The following TMTC1 variants were observed in gnomAD, a reference collection of about 807,000 sequenced individuals.
TMTC1 encodes protein O-mannosyl-transferase TMTC1.
TMTC1 carries 73 observed loss-of-function variants against 104.8 expected under a neutral mutation model. The observed-to-expected ratio is 0.70, with a 90% CI of 0.58 to 0.85. The LOEUF is 0.85. Among genes scored for constraint, TMTC1 ranks in the 40% least tolerant of loss-of-function variants. The probability of loss-of-function intolerance (pLI) is 0.00; values close to 1 mark genes in which losing one functional copy is unlikely to be tolerated. For missense variants in TMTC1, 1,035 were observed against 1,096.1 expected, an observed-to-expected ratio of 0.94 and a Z score of 0.79; for synonymous variants, 434 against 428.7, an observed-to-expected ratio of 1.01 and a Z score of -0.15.
intron 7 of TMTC1, 84 bp from the exon 8 acceptor site, chr12:29,583,658 C>A: frequency 7.8e-7 from 1 of 1,280,752 alleles, no homozygotes; most frequent in Non-Finnish European, 1.1e-6. Flanking sequence ...AACTAACTTT[C>A]AAATGAAGCT....
chr12:29,713,270 C>A (rs1050313269), intron 5 of TMTC1, among the ~76,000 whole-genome samples: 1 of 147,114 alleles, frequency 6.8e-6, no homozygotes, highest in Non-Finnish European at 1.5e-5. Flanking sequence ...TAAGCCAGTT[C>A]CTTAAAATAA....
At position 29,550,933 on chromosome 12, in the gene TMTC1, C is replaced by CAAAAAAAAA. The variant is rs200605964; in HGVS notation, c.1676+5915_1676+5923dup. Among the ~76,000 whole-genome samples the CAAAAAAAAA allele has an allele frequency of 3.5e-4, 38 of 108,316 alleles. 3 individuals are homozygous for CAAAAAAAAA. Among genetic ancestry groups the CAAAAAAAAA allele is most frequent in the African/African-American group, 1.2e-3 (30 of 25,284 alleles). The allele number at this position is 108,316 out of a possible 152,430, so 71.1% of individuals were successfully genotyped here. On this transcript the variant is annotated intron_variant, in intron 10 of 17. Transcript: ENST00000539277. ...TGGGGGAGAGAGTGGGACTCCATCTCAAAAAAAAAAAAAAAAAAAAAAAAA... is the reference window on the plus strand; with the variant it reads ...TGGGGGAGAGAGTGGGACTCCATCTCAAAAAAAAAAAAAAAAAAAAAAAAAAAAAAAAAA...
chr12:29,724,801 G>A (rs931824243), intron 5 of TMTC1, among the ~76,000 whole-genome samples: 2 of 152,048 alleles, frequency 1.3e-5, no homozygotes, highest in East Asian at 1.9e-4. Flanking sequence ...GAATGGGTTG[G>A]CAGAAGGACA....
At chr12:29,551,945 T>C (rs961226240) in intron 10 of TMTC1, among the ~76,000 whole-genome samples, 1 of 152,184 alleles carries the variant, frequency 6.6e-6, no homozygotes, top group African/African-American at 2.4e-5. Flanking sequence ...TCCAGTGAAA[T>C]GGTCATAAAA....
chr12:29,567,890 C>T (rs74969507), intron 9 of TMTC1, among the ~76,000 whole-genome samples: 2,643 of 152,248 alleles, frequency 0.017, 63 homozygotes, highest in East Asian at 0.055. Flanking sequence ...ATAAAGTAGT[C>T]TTACTGATAT....
At chr12:29,643,835 A>ATATTTATATATTTATATC (rs1939090837) in intron 5 of TMTC1, among the ~76,000 whole-genome samples, 1 of 79,120 alleles carries the variant, frequency 1.3e-5, no homozygotes, top group Non-Finnish European at 2.2e-5. Flanking sequence ...ATATTTATAT[A>ATATTTATATATTTATATC]TATTTATATA....
chr12:29,757,743 G>A (rs1943248336), intron 3 of TMTC1, among the ~76,000 whole-genome samples: 1 of 152,124 alleles, frequency 6.6e-6, no homozygotes, highest in Non-Finnish European at 1.5e-5. Flanking sequence ...CACATGGCTG[G>A]GGAGGCCTCA....
rs1274607305 is a variant in TMTC1, at chr12:29,649,553, A to C, written c.939-16217T>G. On this transcript the variant is annotated intron_variant, in intron 5 of 17. Coordinates refer to ENST00000539277, the MANE Select transcript of TMTC1 (RefSeq NM_001193451.2). Reference sequence around the variant, plus strand: ...CCCTCACCACCCTTCTAGAGAAGAAAATGGAAATTAATATCAGAATCACAC... The same window carrying C: ...CCCTCACCACCCTTCTAGAGAAGAACATGGAAATTAATATCAGAATCACAC... Among the ~76,000 whole-genome samples the C allele has an allele frequency of 3.3e-5, 5 of 152,346 alleles. No individual in the cohort carries two copies. The South Asian group carries it at 1.0e-3, about 32-fold the overall frequency.
At chr12:29,734,588 T>C (rs1942624110) in intron 5 of TMTC1, among the ~76,000 whole-genome samples, 1 of 152,202 alleles carries the variant, frequency 6.6e-6, no homozygotes, top group African/African-American at 2.4e-5. Context: ...TAGATCCACA[T>C]ATAGAATCAT....
chr12:29,656,339 T>TATACAC (rs896600524), intron 5 of TMTC1, among the ~76,000 whole-genome samples: 3 of 146,988 alleles, frequency 2.0e-5, no homozygotes, highest in South Asian at 2.1e-4. Context: ...TATATATATA[T>TATACAC]ACACACATAC....
intron 10 of TMTC1, among the ~76,000 whole-genome samples, chr12:29,553,099 G>A (rs1262379711): frequency 6.6e-6 from 1 of 152,134 alleles, no homozygotes; most frequent in Non-Finnish European, 1.5e-5. Flanking sequence ...CTCCCAAAAG[G>A]CAATTGCATG....
chr12:29,669,561 G>A (rs756629565), intron 5 of TMTC1, among the ~76,000 whole-genome samples: 1 of 152,202 alleles, frequency 6.6e-6, no homozygotes, highest in Non-Finnish European at 1.5e-5. Flanking sequence ...CGAGATACCA[G>A]ATGTAGAAAC....
At chr12:29,666,926 T>C (rs1309201407) in intron 5 of TMTC1, among the ~76,000 whole-genome samples, 1 of 152,162 alleles carries the variant, frequency 6.6e-6, no homozygotes, top group African/African-American at 2.4e-5. Context: ...AGGAAATTAG[T>C]AAAGAGTCAC....
At chr12:29,579,562 T>A (rs1945918757) in intron 8 of TMTC1, among the ~76,000 whole-genome samples, 1 of 152,220 alleles carries the variant, frequency 6.6e-6, no homozygotes, top group Non-Finnish European at 1.5e-5. Context: ...AGTTCAGGAA[T>A]GGGATTTAGA....
At chr12:29,693,034 A>G (rs1394123621) in intron 5 of TMTC1, among the ~76,000 whole-genome samples, 1 of 144,914 alleles carries the variant, frequency 6.9e-6, no homozygotes, top group Middle Eastern at 3.2e-3. Context: ...GTCTTTTTAG[A>G]GGGGTGAGAA....
chr12:29,655,463 G>C (rs1435703787), intron 5 of TMTC1, among the ~76,000 whole-genome samples: 1 of 152,028 alleles, frequency 6.6e-6, no homozygotes. Flanking sequence ...TCATGTTTCT[G>C]TACATTAAAT....
rs922583247 is a variant in TMTC1, at chr12:29,717,281, T to C, written c.938+34385A>G. 7.9e-5 allele frequency among the ~76,000 whole-genome samples: 12 copies of C among 152,266 alleles called. No individual in the cohort carries two copies. In the East Asian group the frequency reaches 1.2e-3, roughly 15 times the overall value. ...AATGTGAGAAGGCGTTCACGGGATT[T>C]CAAAATAAACTTACGGAGTAAGTGG... On this transcript the variant is annotated intron_variant, in intron 5 of 17. Transcript: ENST00000539277.
At chr12:29,710,614 A>G (rs1022267498) in intron 5 of TMTC1, among the ~76,000 whole-genome samples, 1 of 142,180 alleles carries the variant, frequency 7.0e-6, no homozygotes, top group Admixed American at 7.1e-5. Context: ...AATTTTTTAT[A>G]TTTATATTTA....
At chr12:29,710,886 A>G (rs1941894724) in intron 5 of TMTC1, among the ~76,000 whole-genome samples, 1 of 130,568 alleles carries the variant, frequency 7.7e-6, no homozygotes, top group Admixed American at 8.9e-5. Flanking sequence ...AAATTATATT[A>G]TTAATATATA....
Sources: gnomAD v4.1 joint callset for allele counts (sites outside exome capture counted in the v4.1 genomes callset) on GRCh38, gnomAD v4.1.1 for gene constraint, MANE v1.5 for transcripts, NCBI Gene and HGNC (gene_info 2026-07-23, HGNC 2026-07-21) for gene names.